Variants in ITPR1 observed in about 807,000 individuals in gnomAD.
ITPR1 encodes the protein inositol 1,4,5-trisphosphate-gated calcium channel ITPR1.
ITPR1 carries 96 observed loss-of-function variants against 318.4 expected under a neutral mutation model. The observed-to-expected ratio is 0.30, with a 90% CI of 0.26 to 0.36. The LOEUF is 0.36. Among genes scored for constraint, ITPR1 ranks in the 10% least tolerant of loss-of-function variants. The pLI, the probability that ITPR1 is intolerant of heterozygous loss-of-function variation, is 1.00. For synonymous variants in ITPR1, 1,312 were observed against 1,289.9 expected, an observed-to-expected ratio of 1.02 and a Z score of -0.37; for missense variants, 2,440 against 3,460.2, an observed-to-expected ratio of 0.71 and a Z score of 7.40.
chr3:4,553,067 A>G (rs1245031595), intron 4 of ITPR1, among the ~76,000 whole-genome samples: 2 of 152,340 alleles, frequency 1.3e-5, no homozygotes, highest in South Asian at 2.1e-4. Context: ...TCACAAAAGC[A>G]TGTTGAATGA....
intron 18 of ITPR1, among the ~76,000 whole-genome samples, chr3:4,668,759 C>T (rs1576008639): frequency 1.3e-5 from 2 of 152,230 alleles, no homozygotes; most frequent in East Asian, 3.8e-4. Flanking sequence ...AGCCACCGCG[C>T]TCGGCCTCAT....
intron 36 of ITPR1, 81 bp downstream of exon 36, chr3:4,703,031 C>T: frequency 2.1e-6 from 3 of 1,451,520 alleles, no homozygotes; most frequent in Non-Finnish European, 2.8e-6. Flanking sequence ...ATTGAGCACT[C>T]ATTACAACTC....
chr3:4,593,986 G>T (rs1244795030), intron 4 of ITPR1, among the ~76,000 whole-genome samples: 2 of 152,144 alleles, frequency 1.3e-5, no homozygotes, highest in Non-Finnish European at 2.9e-5. Flanking sequence ...AGCCAGGGAG[G>T]CTACCAGGAG....
intron 4 of ITPR1, among the ~76,000 whole-genome samples, chr3:4,612,869 A>G (rs938417628): frequency 3.3e-5 from 5 of 152,242 alleles, no homozygotes; most frequent in African/African-American, 1.2e-4. Context: ...CCTGGGTGAC[A>G]GAGTGAGACT....
chr3:4,837,719 C>T (rs2051031107), intron 61 of ITPR1, among the ~76,000 whole-genome samples: 1 of 152,026 alleles, frequency 6.6e-6, no homozygotes, highest in African/African-American at 2.4e-5. Flanking sequence ...CTTTTGACTC[C>T]ATTAAAATGA....
intron 4 of ITPR1, among the ~76,000 whole-genome samples, chr3:4,524,160 C>T (rs1004563917): frequency 6.6e-6 from 1 of 152,216 alleles, no homozygotes; most frequent in Non-Finnish European, 1.5e-5. Flanking sequence ...CCCCTGCACC[C>T]AGGTGAGGGG....
chr3:4,613,553 T>C (rs972463057), intron 4 of ITPR1, among the ~76,000 whole-genome samples: 4 of 152,174 alleles, frequency 2.6e-5, no homozygotes, highest in African/African-American at 9.7e-5. Flanking sequence ...GTGACGCAAA[T>C]ACCAAGGCCA....
intron 4 of ITPR1, among the ~76,000 whole-genome samples, chr3:4,572,722 G>A (rs766129228): frequency 1.3e-5 from 2 of 152,136 alleles, no homozygotes; most frequent in East Asian, 1.9e-4. Context: ...AGTTCTGTTC[G>A]CATTAAACAG....
chr3:4,784,795 G>A (rs964930991), intron 51 of ITPR1, among the ~76,000 whole-genome samples: 2 of 151,824 alleles, frequency 1.3e-5, no homozygotes, highest in Non-Finnish European at 2.9e-5. Context: ...TACTTGGGAG[G>A]CTGAGGCACA....
In ITPR1 at chr3:4,768,330, CCTGGCT is replaced by C. The variant is rs1232119786; in HGVS notation, c.5726-179_5726-174del. On this transcript the variant is annotated intron_variant, in intron 45 of 61. Coordinates refer to ENST00000649015, the MANE Select transcript of ITPR1 (RefSeq NM_001378452.1). Reference sequence around the variant, plus strand: ...TAGATCCACAAGTAAGGTGGCAGGGCCTGGCTCGGTTTTAATCCTGTCTGAGGACTG... The same window carrying C: ...TAGATCCACAAGTAAGGTGGCAGGGCCGGTTTTAATCCTGTCTGAGGACTG... 5.9e-5 allele frequency: 36 copies of C among 615,108 alleles called. No homozygotes were observed. The Admixed American group carries it at 7.4e-4, about 13-fold the overall frequency. The allele number at this position is 615,108 out of a possible 1,614,324, so 38.1% of individuals were successfully genotyped here.
At chr3:4,830,970 GTGAT>G (rs1428112561) in intron 60 of ITPR1, 9 of 456,460 alleles carry the variant, frequency 2.0e-5, no homozygotes, top group Non-Finnish European at 3.5e-5. Flanking sequence ...CTCTGAGGAG[GTGAT>G]TGATTACTCG....
intron 31 of ITPR1, 68 bp downstream of exon 31, chr3:4,688,688 T>C: frequency 6.6e-7 from 1 of 1,510,514 alleles, no homozygotes; most frequent in African/African-American, 1.4e-5. Flanking sequence ...GAGGAACAGC[T>C]TGTTCTTTGG....
intron 4 of ITPR1, among the ~76,000 whole-genome samples, chr3:4,621,098 C>G (rs1416264957): frequency 6.6e-6 from 1 of 152,168 alleles, no homozygotes; most frequent in South Asian, 2.1e-4. Context: ...CAATCCCACT[C>G]CTCATTCTTC....
intron 4 of ITPR1, among the ~76,000 whole-genome samples, chr3:4,583,948 C>T (rs1873849): frequency 0.11 from 15,990 of 152,100 alleles, 1,379 homozygotes; most frequent in East Asian, 0.34. Flanking sequence ...TTTTTTGCTT[C>T]GTCCAAGGGC....
intron 10 of ITPR1, 92 bp downstream of exon 10, chr3:4,645,820 A>G (rs569018714): frequency 2.6e-6 from 3 of 1,171,530 alleles, no homozygotes; most frequent in African/African-American, 3.0e-5. Context: ...ATATTCATAC[A>G]TACATATACC....
intron 4 of ITPR1, among the ~76,000 whole-genome samples, chr3:4,550,164 G>T (rs1434303746): frequency 6.6e-6 from 1 of 151,718 alleles, no homozygotes; most frequent in Non-Finnish European, 1.5e-5. Flanking sequence ...ATTCTCGGTG[G>T]GGTTAATTTC....
At chr3:4,594,208 A>C (rs1439043554) in intron 4 of ITPR1, among the ~76,000 whole-genome samples, 1 of 152,178 alleles carries the variant, frequency 6.6e-6, no homozygotes, top group African/African-American at 2.4e-5. Context: ...AAGCTTCAGT[A>C]ACCCAGTTTT....
chr3:4,682,514 C>G (rs966719032), intron 26 of ITPR1, among the ~76,000 whole-genome samples: 3 of 152,204 alleles, frequency 2.0e-5, no homozygotes, highest in African/African-American at 7.2e-5. Context: ...TGTTAATAGT[C>G]TACCTCAATG....
chr3:4,677,018 A>T (rs534988242), intron 24 of ITPR1, among the ~76,000 whole-genome samples: 2 of 152,294 alleles, frequency 1.3e-5, no homozygotes, highest in African/African-American at 4.8e-5. Context: ...AGCCATGTCA[A>T]GACTTGCCAT....
Sources: allele counts gnomAD v4.1 joint callset (sites outside exome capture counted in the v4.1 genomes callset), GRCh38; gene constraint gnomAD v4.1.1; transcripts MANE v1.5; gene names NCBI Gene and HGNC (gene_info 2026-07-23, HGNC 2026-07-21).